The following PRKAR2A variants were observed in gnomAD, a reference collection of about 807,000 sequenced individuals.
PRKAR2A encodes protein kinase cAMP-dependent type II regulatory subunit alpha.
A neutral mutation model predicts 51.9 loss-of-function variants in PRKAR2A; 29 were observed. The ratio of observed to expected loss-of-function variants is 0.56; its 90% CI spans 0.42 to 0.76. The LOEUF is 0.76. PRKAR2A is among the 30% of genes least tolerant of loss of function. The pLI, the probability that PRKAR2A is intolerant of heterozygous loss-of-function variation, is 0.00. For synonymous variants in PRKAR2A, 178 were observed against 186.2 expected (o/e 0.96, Z 0.36); for missense variants, 445 against 512.1 (o/e 0.87, Z 1.26).
downstream of PRKAR2A, among the ~76,000 whole-genome samples, chr3:48,746,313 G>A (rs576566866): frequency 2.3e-5 from 3 of 130,772 alleles, no homozygotes; most frequent in South Asian, 8.0e-4. Flanking sequence ...GAGCCTAGGA[G>A]TTTGAAACCA....
At chr3:48,789,272 T>G (rs2082343644) in intron 4 of PRKAR2A, among the ~76,000 whole-genome samples, 1 of 152,106 alleles carries the variant, frequency 6.6e-6, no homozygotes, top group Admixed American at 6.6e-5. Flanking sequence ...CAAGGGGATA[T>G]GTGGATGTCT....
At chr3:48,843,858 C>T (rs375278448) in intron 1 of PRKAR2A, among the ~76,000 whole-genome samples, 14 of 151,212 alleles carry the variant, frequency 9.3e-5, no homozygotes, top group East Asian at 1.9e-4. Context: ...AAGACTTAAA[C>T]GTTAGACCTA....
chr3:48,827,225 C>G (rs1280654143), intron 1 of PRKAR2A, among the ~76,000 whole-genome samples: 1 of 151,036 alleles, frequency 6.6e-6, no homozygotes, highest in Admixed American at 6.6e-5. Context: ...CTAGAAATGC[C>G]AAGACAAATC....
intron 1 of PRKAR2A, among the ~76,000 whole-genome samples, chr3:48,843,257 T>C (rs1410591176): frequency 6.6e-6 from 1 of 152,128 alleles, no homozygotes; most frequent in Admixed American, 6.6e-5. Context: ...GGTGGTGATA[T>C]CCCCTTTATC....
At chr3:48,823,367 T>C (rs1340237312) in intron 1 of PRKAR2A, among the ~76,000 whole-genome samples, 2 of 152,018 alleles carry the variant, frequency 1.3e-5, no homozygotes, top group Non-Finnish European at 2.9e-5. Flanking sequence ...GTGAGATCTG[T>C]TGCTGTCTCC....
Position 48,847,244 on chromosome 3 carries a change from T to G in PRKAR2A, c.262+91A>C. The G allele has an allele frequency of 6.8e-7, 1 of 1,473,928 alleles. No individual in the cohort carries two copies. Among genetic ancestry groups the G allele is most frequent in the Non-Finnish European group, 9.1e-7 (1 of 1,095,912 alleles). The allele number at this position is 1,473,928 out of a possible 1,614,324, so 91.3% of individuals were successfully genotyped here. On this transcript the variant is annotated intron_variant, in intron 1 of 10. Transcript: ENST00000265563. The surrounding 1 kb of genome is among the most constrained non-coding windows in gnomAD (Gnocchi z 4.4). The stretch of plus-strand genomic sequence containing the variant: ...CTCCCAATCCCAGCCTGCGGTCGGC[T>G]TGGCTGCGGCGCGACACCTGGCTCC...
chr3:48,832,992 A>G (rs1000155583), intron 1 of PRKAR2A, among the ~76,000 whole-genome samples: 2 of 152,158 alleles, frequency 1.3e-5, no homozygotes, highest in African/African-American at 4.8e-5. Flanking sequence ...TAGCTTGTCC[A>G]AGAGCCCCAA....
chr3:48,765,485 T>C, intron 6 of PRKAR2A, 136 bp from the exon 7 acceptor site: 2 of 652,114 alleles, frequency 3.1e-6, no homozygotes, highest in Non-Finnish European at 2.6e-6. Context: ...TACTTCAATC[T>C]TGAGTCATCA....
chr3:48,762,911 T>C (rs1030234085), intron 8 of PRKAR2A, among the ~76,000 whole-genome samples: 1 of 152,160 alleles, frequency 6.6e-6, no homozygotes, highest in Admixed American at 6.6e-5. Context: ...CATGATTTCA[T>C]TTATACTAAA....
chr3:48,780,206 TTC>T (rs2082172047), intron 5 of PRKAR2A, among the ~76,000 whole-genome samples: 1 of 151,994 alleles, frequency 6.6e-6, no homozygotes, highest in South Asian at 2.1e-4. Flanking sequence ...CTTGTAGAAT[TTC>T]TGTGTAAGAA....
At chr3:48,772,438 C>T (rs1457571161) in intron 6 of PRKAR2A, among the ~76,000 whole-genome samples, 2 of 152,084 alleles carry the variant, frequency 1.3e-5, no homozygotes, top group African/African-American at 4.8e-5. Flanking sequence ...AACTCCTGAC[C>T]TCAAGTGATC....
intron 8 of PRKAR2A, among the ~76,000 whole-genome samples, chr3:48,761,915 G>T (rs187085204): frequency 6.6e-6 from 1 of 152,094 alleles, no homozygotes; most frequent in South Asian, 2.1e-4. Context: ...GAGCCACCCT[G>T]CCTGACCAAA....
intron 5 of PRKAR2A, among the ~76,000 whole-genome samples, chr3:48,781,365 TGA>T (rs2082194611): frequency 6.8e-6 from 1 of 147,444 alleles, no homozygotes; most frequent in African/African-American, 2.5e-5. Flanking sequence ...TTTTTGAGAC[TGA>T]GTCTCACTCT....
intron 6 of PRKAR2A, among the ~76,000 whole-genome samples, chr3:48,770,299 C>T (rs147001846): frequency 3.3e-5 from 5 of 152,282 alleles, no homozygotes; most frequent in African/African-American, 1.2e-4. Context: ...GAGTGCTACT[C>T]TCTCCTGTGA....
At chr3:48,845,872 T>C (rs1212249097) in intron 1 of PRKAR2A, among the ~76,000 whole-genome samples, 1 of 151,266 alleles carries the variant, frequency 6.6e-6, no homozygotes, top group Non-Finnish European at 1.5e-5. Context: ...CTTGAGCTTG[T>C]GAGGTTGGGG....
chr3:48,770,392 T>C (rs531687191), intron 6 of PRKAR2A, among the ~76,000 whole-genome samples: 2 of 152,294 alleles, frequency 1.3e-5, no homozygotes, highest in South Asian at 4.1e-4. Context: ...GGGGCCGTGA[T>C]GGCAGCTGCC....
chr3:48,793,177 T>A (rs2082420415), intron 3 of PRKAR2A, among the ~76,000 whole-genome samples: 1 of 151,990 alleles, frequency 6.6e-6, no homozygotes, highest in Non-Finnish European at 1.5e-5. Flanking sequence ...CAAACATACA[T>A]CCCATGCCAT....
chr3:48,751,725 T>C lies in PRKAR2A; in HGVS notation c.1082-7A>G, dbSNP rs2081651152. On this transcript the variant is annotated splice_polypyrimidine_tract_variant and splice_region_variant and intron_variant, in intron 10 of 10. Coordinates refer to ENST00000265563, the MANE Select transcript of PRKAR2A (RefSeq NM_004157.4). ...AATGCTTGTACATCCATAACTGCAT[T>C]GTTAAAAAGAGGTGAGGGAGAGAAT... The C allele has an allele frequency of 6.2e-7, 1 of 1,604,460 alleles. No individual in the cohort carries two copies. The highest frequency in any genetic ancestry group is 8.5e-7 in the Non-Finnish European group (1 of 1,172,908).
chr3:48,795,737 A>G (rs1559625754), intron 2 of PRKAR2A, among the ~76,000 whole-genome samples: 1 of 152,104 alleles, frequency 6.6e-6, no homozygotes, highest in Non-Finnish European at 1.5e-5. Flanking sequence ...GAGTTTCACC[A>G]TGTTGGCCAG....
Sources: gnomAD v4.1 joint callset for allele counts (sites outside exome capture counted in the v4.1 genomes callset) on GRCh38, gnomAD v4.1.1 for gene constraint, Gnocchi (gnomAD v3.1) non-coding constraint, MANE v1.5 for transcripts, NCBI Gene and HGNC (gene_info 2026-07-23, HGNC 2026-07-21) for gene names.